The following VAT1L variants were observed in gnomAD, a reference collection of about 807,000 sequenced individuals.
VAT1L encodes the protein putative NADPH-dependent quinone oxidoreductase VAT1L.
A neutral mutation model predicts 44.1 loss-of-function variants in VAT1L; 34 were observed. The observed-to-expected ratio is 0.77, with a 90% CI of 0.59 to 1.03. VAT1L has a LOEUF of 1.03. VAT1L is among the 50% of genes least tolerant of loss of function. VAT1L has a pLI of 0.00. For missense variants in VAT1L, 615 were observed against 538.8 expected, an observed-to-expected ratio of 1.14 and a Z score of -1.40; for synonymous variants, 253 against 202.2, an observed-to-expected ratio of 1.25 and a Z score of -2.13.
intron 7 of VAT1L, among the ~76,000 whole-genome samples, chr16:77,887,789 A>G (rs892699342): frequency 6.6e-6 from 1 of 152,186 alleles, no homozygotes; most frequent in Non-Finnish European, 1.5e-5. Flanking sequence ...TATTCTTAGC[A>G]CTGTCGTCTA....
At chr16:77,878,147 G>A (rs1305928991) in intron 5 of VAT1L, among the ~76,000 whole-genome samples, 1 of 152,176 alleles carries the variant, frequency 6.6e-6, no homozygotes, top group Non-Finnish European at 1.5e-5. Flanking sequence ...TCAAAGTCTA[G>A]TACTGGGATG....
intron 4 of VAT1L, among the ~76,000 whole-genome samples, chr16:77,870,465 G>A (rs559329075): frequency 1.3e-5 from 2 of 152,238 alleles, no homozygotes; most frequent in African/African-American, 2.4e-5. Flanking sequence ...TCTAAGTACC[G>A]CCTCTGTTGG....
chr16:77,939,457 C>G (rs1158701410), intron 7 of VAT1L, among the ~76,000 whole-genome samples: 1 of 152,194 alleles, frequency 6.6e-6, no homozygotes, highest in Non-Finnish European at 1.5e-5. Flanking sequence ...GCAAGTGCCA[C>G]AAATCAGGGC....
intron 8 of VAT1L, among the ~76,000 whole-genome samples, chr16:77,975,018 C>A (rs1262455026): frequency 2.6e-5 from 4 of 151,828 alleles, no homozygotes; most frequent in Non-Finnish European, 5.9e-5. Context: ...TGAGGTTAAA[C>A]AGAAGACATG....
chr16:77,847,676 A>T (rs1042880702), intron 3 of VAT1L, among the ~76,000 whole-genome samples: 3 of 152,174 alleles, frequency 2.0e-5, no homozygotes, highest in African/African-American at 7.2e-5. Flanking sequence ...ACATGCATCA[A>T]AAGGGCCAGG....
At position 77,878,681 on chromosome 16, in the gene VAT1L, C is replaced by T. The variant is rs553846902; in HGVS notation, c.827-488C>T. Among the ~76,000 whole-genome samples the T allele has an allele frequency of 8.5e-5, 13 of 152,158 alleles. No individual in the cohort carries two copies. The South Asian group carries it at 2.5e-3, about 29-fold the overall frequency. ...GCCCCTTTTCATTCTCACCTGTGAG[C>T]TTCTATACCCATTTTTTCCAATCCA... On this transcript the variant is annotated intron_variant, in intron 5 of 8. Transcript: ENST00000302536.
intron 4 of VAT1L, among the ~76,000 whole-genome samples, chr16:77,874,181 G>A (rs746818632): frequency 7.2e-5 from 11 of 152,136 alleles, no homozygotes; most frequent in Non-Finnish European, 1.3e-4. Context: ...TGGTGAGGCT[G>A]CTTCTGACCA....
rs1223100470 is a variant in VAT1L at position 77,884,570 on chromosome 16, A to G, written c.883-38A>G. On this transcript the variant is annotated intron_variant, in intron 6 of 8. Transcript: ENST00000302536. The surrounding 1 kb of genome is among the most constrained non-coding windows in gnomAD (Gnocchi z 4.5). ...CTGCCAATGTAGGCTTAACCCCGGT[A>G]TTGAGTTCCTATAACCCAATACCAC... 1.3e-6 allele frequency: 2 copies of G among 1,594,540 alleles called. No homozygotes were observed. The highest frequency in any genetic ancestry group is 1.7e-5 in the Admixed American group (1 of 58,322).
chr16:77,850,160 C>A (rs1567487235), intron 3 of VAT1L, among the ~76,000 whole-genome samples: 1 of 152,118 alleles, frequency 6.6e-6, no homozygotes, highest in African/African-American at 2.4e-5. Flanking sequence ...TGTACAAATC[C>A]CCGTGTGTAG....
intron 7 of VAT1L, among the ~76,000 whole-genome samples, chr16:77,897,613 G>A (rs1423142819): frequency 6.6e-6 from 1 of 152,110 alleles, no homozygotes; most frequent in Non-Finnish European, 1.5e-5. Flanking sequence ...TGGGATTACA[G>A]GCGACGCCAG....
chr16:77,834,582 A>G (rs2016618368), intron 3 of VAT1L, among the ~76,000 whole-genome samples: 1 of 152,064 alleles, frequency 6.6e-6, no homozygotes, highest in Non-Finnish European at 1.5e-5. Context: ...AAGATTACAG[A>G]GGCTTCATCG....
chr16:77,896,840 C>T (rs778676432), intron 7 of VAT1L, among the ~76,000 whole-genome samples: 1 of 152,210 alleles, frequency 6.6e-6, no homozygotes, highest in Non-Finnish European at 1.5e-5. Flanking sequence ...CTTGCCTTTA[C>T]GCCTGTCATT....
At chr16:77,965,791 C>G (rs1193095763) in intron 7 of VAT1L, among the ~76,000 whole-genome samples, 1 of 152,174 alleles carries the variant, frequency 6.6e-6, no homozygotes, top group Non-Finnish European at 1.5e-5. Flanking sequence ...GGCTCAGCCA[C>G]ATGACATCTC....
At chr16:77,940,012 G>C (rs560488841) in intron 7 of VAT1L, among the ~76,000 whole-genome samples, 1 of 152,348 alleles carries the variant, frequency 6.6e-6, no homozygotes, top group East Asian at 1.9e-4. Flanking sequence ...AAGTTAATCA[G>C]TGCATCAAGG....
At chr16:77,921,214 T>G (rs754496263) in intron 7 of VAT1L, among the ~76,000 whole-genome samples, 5 of 152,210 alleles carry the variant, frequency 3.3e-5, no homozygotes, top group African/African-American at 4.8e-5. Context: ...AGTCTTTCTT[T>G]CCAGCTGGAA....
intron 1 of VAT1L, among the ~76,000 whole-genome samples, chr16:77,805,824 C>G (rs2016145875): frequency 7.6e-6 from 1 of 131,202 alleles, no homozygotes; most frequent in Admixed American, 7.8e-5. Context: ...ATGTATTTAT[C>G]TGCTTGTTAC....
At chr16:77,906,464 C>A (rs189299311) in intron 7 of VAT1L, among the ~76,000 whole-genome samples, 1 of 152,126 alleles carries the variant, frequency 6.6e-6, no homozygotes, top group African/African-American at 2.4e-5. Flanking sequence ...AGTTTGGGAT[C>A]GCCTCAAATC....
At chr16:77,844,223 A>G (rs183721) in intron 3 of VAT1L, among the ~76,000 whole-genome samples, 37,210 of 152,050 alleles carry the variant, frequency 0.24, 4,764 homozygotes, top group Non-Finnish European at 0.28. Context: ...GAAAATGGAT[A>G]CTTGCATCTG....
intron 7 of VAT1L, among the ~76,000 whole-genome samples, chr16:77,932,904 G>A (rs2017748912): frequency 6.6e-6 from 1 of 152,214 alleles, no homozygotes; most frequent in Non-Finnish European, 1.5e-5. Context: ...TAGGATTCAA[G>A]CATGTTAGAA....
Sources: gnomAD v4.1 joint callset for allele counts (sites outside exome capture counted in the v4.1 genomes callset) on GRCh38, gnomAD v4.1.1 for gene constraint, Gnocchi (gnomAD v3.1) non-coding constraint, MANE v1.5 for transcripts, NCBI Gene and HGNC (gene_info 2026-07-23, HGNC 2026-07-21) for gene names.